The following OS9 variants were observed in gnomAD, a reference collection of about 807,000 sequenced individuals.
The protein encoded by OS9 is OS9 endoplasmic reticulum lectin.
Under a neutral mutation model 84.7 loss-of-function variants are expected in OS9, and 58 were observed. The ratio of observed to expected loss-of-function variants is 0.68; its 90% CI spans 0.55 to 0.85. The LOEUF (loss-of-function observed/expected upper bound fraction) is 0.85. OS9 is among the 40% of genes least tolerant of loss of function. OS9 has a pLI of 0.00. For missense variants in OS9, 760 were observed against 850.9 expected (o/e 0.89, Z 1.33); for synonymous variants, 278 against 320.8 (o/e 0.87, Z 1.43).
At chr12:57,717,766 T>TTGG (rs1247133368) in intron 9 of OS9, 104 bp from the exon 10 acceptor site, 8 of 803,624 alleles carry the variant, frequency 1.0e-5, no homozygotes, top group Admixed American at 2.9e-5. Context: ...GTGCTCCAGC[T>TTGG]TGGGTGACAG....
intron 9 of OS9, 135 bp from the exon 10 acceptor site, chr12:57,717,734 AG>A (rs1388279877): frequency 2.4e-5 from 14 of 585,354 alleles, no homozygotes; most frequent in Non-Finnish European, 4.0e-5. Context: ...CAGAGGTTGC[AG>A]TGAGCAGAGA....
intron 5 of OS9, among the ~76,000 whole-genome samples, chr12:57,714,463 C>T (rs1006992040): frequency 2.0e-5 from 3 of 152,182 alleles, no homozygotes; most frequent in Non-Finnish European, 4.4e-5. Context: ...CCTCGGCCTC[C>T]CAAAGTGCTG....
intron 5 of OS9, among the ~76,000 whole-genome samples, chr12:57,701,366 C>T (rs370634320): frequency 6.8e-6 from 1 of 147,724 alleles, no homozygotes; most frequent in Non-Finnish European, 1.5e-5. Context: ...ACCTCGGCCT[C>T]CTGGGTTCAA....
rs1953834278 is a variant in OS9, at chr12:57,696,345, A to G, written c.551A>G (p.Asn184Ser). The change falls in exon 5 of 15, where the codon AAT becomes AGT. Residue 184 changes from asparagine (N) to serine (S), a missense_variant. Physicochemically the swap from Asn to Ser is conservative, Grantham distance 46. Coordinates refer to ENST00000315970, the MANE Select transcript of OS9 (RefSeq NM_006812.4). ...GGCAATGGGTCCAAGTGCGACCTTA[A>G]TGGGAGGCCCCGGGAGGCCGAGGTT... ...TYGNGSKCDL[N>S]GRPREAEVRF... 3 of 1,609,720 alleles carry G rather than the reference A, an allele frequency of 1.9e-6. No homozygotes were observed. The highest frequency in any genetic ancestry group is 2.5e-6 in the Non-Finnish European group (3 of 1,177,918).
intron 5 of OS9, among the ~76,000 whole-genome samples, chr12:57,701,625 A>T (rs890575049): frequency 2.6e-5 from 4 of 151,834 alleles, no homozygotes; most frequent in African/African-American, 9.7e-5. Context: ...TTACTTACCC[A>T]TTCCTCTGTT....
At chr12:57,696,210 C>A in intron 4 of OS9, 65 bp from the exon 5 acceptor site, 1 of 1,366,002 alleles carries the variant, frequency 7.3e-7, no homozygotes, top group Non-Finnish European at 1.0e-6. Context: ...TTTGGGGACG[C>A]AGTGCCATCC....
intron 5 of OS9, among the ~76,000 whole-genome samples, chr12:57,705,278 A>T (rs1292111415): frequency 6.6e-6 from 1 of 152,190 alleles, no homozygotes; most frequent in Non-Finnish European, 1.5e-5. Context: ...TTTTAGACTG[A>T]TTTGAAGAGA....
chr12:57,720,022 G>T (rs1595070127), intron 12 of OS9, 77 bp from the exon 13 acceptor site: 6 of 1,356,332 alleles, frequency 4.4e-6, no homozygotes, highest in South Asian at 4.0e-5. Flanking sequence ...GATGTTTTAG[G>T]GGGAGATGAC....
intron 2 of OS9, among the ~76,000 whole-genome samples, chr12:57,695,316 T>G (rs1160036741): frequency 6.6e-6 from 1 of 152,222 alleles, no homozygotes. Context: ...GTTTGTTTAT[T>G]TTCGGTCTGA....
chr12:57,697,633 C>T (rs1953885403), intron 5 of OS9, among the ~76,000 whole-genome samples: 1 of 152,084 alleles, frequency 6.6e-6, no homozygotes, highest in Non-Finnish European at 1.5e-5. Flanking sequence ...GTGGTGATGT[C>T]CAGTTGACAG....
In OS9 at chr12:57,716,699, G is replaced by A. The variant is rs1188819419; in HGVS notation, c.1000G>A (p.Asp334Asn). ...CTCCTTTTCTCCTCGTCAGGAGCAGGACCCAAGCCCTGAGGCAGCAGATTC... is the reference window on the plus strand; with the variant it reads ...CTCCTTTTCTCCTCGTCAGGAGCAGAACCCAAGCCCTGAGGCAGCAGATTC... ...GGEEVPAEEQ[D>N]PSPEAADSAS... is the part of the protein sequence containing the mutation. The change falls in exon 9 of 15, where the codon GAC (aspartate) becomes AAC (asparagine). Residue 334 changes from aspartate (D) to asparagine (N), a missense_variant. Transcript: ENST00000315970. The A allele has an allele frequency of 3.1e-6, 5 of 1,614,050 alleles. No individual in the cohort carries two copies. In the Middle Eastern group the frequency reaches 5.0e-4, roughly 160 times the overall value.
chr12:57,701,521 C>A (rs1434044862), intron 5 of OS9, among the ~76,000 whole-genome samples: 1 of 151,802 alleles, frequency 6.6e-6, no homozygotes, highest in African/African-American at 2.4e-5. Flanking sequence ...AGTGATCCAC[C>A]CACCTTGGCC....
intron 5 of OS9, among the ~76,000 whole-genome samples, chr12:57,698,580 G>C (rs1953933404): frequency 6.6e-6 from 1 of 152,216 alleles, no homozygotes; most frequent in Non-Finnish European, 1.5e-5. Flanking sequence ...TGAAAAGGAG[G>C]CCTCTTGGGA....
chr12:57,699,957 T>C (rs1310958126), intron 5 of OS9, among the ~76,000 whole-genome samples: 1 of 151,902 alleles, frequency 6.6e-6, no homozygotes, highest in African/African-American at 2.4e-5. Context: ...TAGCCGGGTG[T>C]GGTGGTGGGC....
At chr12:57,704,839 C>T (rs919271800) in intron 5 of OS9, among the ~76,000 whole-genome samples, 1 of 151,974 alleles carries the variant, frequency 6.6e-6, no homozygotes. Context: ...TTCCTATTTA[C>T]TATTCATCTG....
At position 57,716,409 on chromosome 12, in the gene OS9, T is replaced by C; in HGVS notation, c.893-3T>C. 1 of 1,552,916 alleles carries C rather than the reference T, an allele frequency of 6.4e-7. No individual in the cohort carries two copies. The highest frequency in any genetic ancestry group is 1.7e-4 in the Middle Eastern group (1 of 5,994). On this transcript the variant is annotated splice_region_variant and splice_polypyrimidine_tract_variant and intron_variant, in intron 7 of 14. Coordinates refer to ENST00000315970, the MANE Select transcript of OS9 (RefSeq NM_006812.4). ...CAGTCTCTCCCTGTTCTCTGTACCCTAGGTGCGAGCCCGACCAAGGATGAC... is the reference window on the plus strand; with the variant it reads ...CAGTCTCTCCCTGTTCTCTGTACCCCAGGTGCGAGCCCGACCAAGGATGAC...
intron 5 of OS9, among the ~76,000 whole-genome samples, chr12:57,715,049 A>T (rs1424596620): frequency 4.6e-5 from 7 of 152,168 alleles, no homozygotes; most frequent in Non-Finnish European, 1.0e-4. Context: ...ACATATTTAT[A>T]TACAAATATA....
intron 5 of OS9, among the ~76,000 whole-genome samples, chr12:57,706,032 T>C (rs1242898568): frequency 6.6e-6 from 1 of 152,238 alleles, no homozygotes; most frequent in Admixed American, 6.5e-5. Context: ...ATTTTTCTTA[T>C]ACCTCGAGTG....
Position 57,695,782 on chromosome 12 carries a change from A to G in OS9, c.342A>G (p.Thr114=), listed in dbSNP as rs1031158278. ...PMRDAPCLLK[T]KDWWTYEFCY... is the part of the protein sequence containing the mutation. Reference sequence around the variant, plus strand: ...ATTGTTTATTTTTTAATTGTCAGACAAAGGACTGGTGGACATATGAATTCT... The same window carrying G: ...ATTGTTTATTTTTTAATTGTCAGACGAAGGACTGGTGGACATATGAATTCT... The change falls in exon 3 of 15, where the codon ACA becomes ACG. Residue 114 remains threonine, a splice_region_variant and synonymous_variant. Transcript: ENST00000315970. 1 of 1,605,398 alleles carries G rather than the reference A, an allele frequency of 6.2e-7. No homozygotes were observed. Among genetic ancestry groups the G allele is most frequent in the Middle Eastern group, 1.7e-4 (1 of 6,048 alleles).
Sources: allele counts gnomAD v4.1 joint callset (sites outside exome capture counted in the v4.1 genomes callset), GRCh38; gene constraint gnomAD v4.1.1; transcripts MANE v1.5; gene names NCBI Gene and HGNC (gene_info 2026-07-23, HGNC 2026-07-21).